Variants in LRP1B observed in about 807,000 individuals in gnomAD.
LRP1B encodes the protein LDL receptor related protein 1B.
Under a neutral mutation model 556.6 loss-of-function variants are expected in LRP1B, and 217 were observed. That is an observed-to-expected ratio of 0.39 (90% confidence interval 0.35 to 0.44). The LOEUF is 0.44. Among genes scored for constraint, LRP1B ranks in the 20% least tolerant of loss-of-function variants. LRP1B has a pLI of 1.00. For missense variants in LRP1B, 5,053 were observed against 5,620.8 expected (o/e 0.90, Z 3.23); for synonymous variants, 2,047 against 1,865.8 (o/e 1.10, Z -2.50).
chr2:141,447,783 G>A (rs2105015991), intron 3 of LRP1B, among the ~76,000 whole-genome samples: 1 of 152,268 alleles, frequency 6.6e-6, no homozygotes, highest in East Asian at 1.9e-4. Flanking sequence ...CCTTCCTCTG[G>A]AAGCTTTGTC....
chr2:140,869,415 A>G (rs1397040065), intron 25 of LRP1B, among the ~76,000 whole-genome samples: 1 of 152,086 alleles, frequency 6.6e-6, no homozygotes, highest in Non-Finnish European at 1.5e-5. Flanking sequence ...GGGGAATAAA[A>G]AACCCACAAC....
chr2:141,677,753 T>C (rs1333778080), intron 2 of LRP1B, among the ~76,000 whole-genome samples: 1 of 152,198 alleles, frequency 6.6e-6, no homozygotes, highest in African/African-American at 2.4e-5. Flanking sequence ...CCTCCCAAAG[T>C]GCTGGCATTA....
At chr2:140,759,416 A>G (rs1315181807) in intron 35 of LRP1B, among the ~76,000 whole-genome samples, 1 of 152,204 alleles carries the variant, frequency 6.6e-6, no homozygotes, top group East Asian at 1.9e-4. Flanking sequence ...CTCAATCTCT[A>G]GATCCTCTCA....
At chr2:140,287,751 G>GT (rs1430111907) in intron 84 of LRP1B, among the ~76,000 whole-genome samples, 4 of 151,346 alleles carry the variant, frequency 2.6e-5, no homozygotes, top group Non-Finnish European at 5.9e-5. Context: ...TACTTAAGGT[G>GT]TATCTGATTC....
At chr2:140,329,740 C>CAGAGAAAACACAAGAT (rs922088674) in intron 79 of LRP1B, among the ~76,000 whole-genome samples, 1 of 151,508 alleles carries the variant, frequency 6.6e-6, no homozygotes, top group African/African-American at 2.4e-5. Context: ...TCAAGGGAAC[C>CAGAGAAAACACAAGAT]AGAGAAAACA....
In LRP1B at chr2:141,904,225, T is replaced by C. The variant is rs931336986; in HGVS notation, c.83-93824A>G. 2.0e-5 allele frequency among the ~76,000 whole-genome samples: 3 copies of C among 151,784 alleles called. No individual in the cohort carries two copies. The East Asian group carries it at 5.8e-4, about 29-fold the overall frequency. Reference sequence around the variant, plus strand: ...GAGGAGAGAAGACAGGGAGAACAGTTGGGAGGCTGTTTATGTAGTCCAGGC... The same window carrying C: ...GAGGAGAGAAGACAGGGAGAACAGTCGGGAGGCTGTTTATGTAGTCCAGGC... On this transcript the variant is annotated intron_variant, in intron 1 of 90. Coordinates refer to ENST00000389484, the MANE Select transcript of LRP1B (RefSeq NM_018557.3).
intron 1 of LRP1B, among the ~76,000 whole-genome samples, chr2:141,835,041 A>T (rs1358750392): frequency 2.0e-5 from 3 of 152,028 alleles, no homozygotes; most frequent in Non-Finnish European, 2.9e-5. Context: ...GAGTGAATAA[A>T]TAGAAACAAT....
intron 1 of LRP1B, among the ~76,000 whole-genome samples, chr2:141,865,546 C>T (rs1294993118): frequency 3.0e-4 from 44 of 145,662 alleles, no homozygotes; most frequent in Non-Finnish European, 4.4e-4. Context: ...GAGCCGAGAT[C>T]CCGCCACTGC....
intron 18 of LRP1B, among the ~76,000 whole-genome samples, chr2:140,974,528 T>C (rs952069414): frequency 6.6e-6 from 1 of 152,212 alleles, no homozygotes. Context: ...TTCTAAATGT[T>C]CATATATTGA....
At position 140,444,623 on chromosome 2, in the gene LRP1B, G is replaced by C. The variant is rs2105305059; in HGVS notation, c.10114C>G (p.Pro3372Ala). Reference sequence around the variant, plus strand: ...TTCTCTCCATCACAGATGAAAGCTGGTAGAGCACAGAGTCCAGTCCCACAC... The same window carrying C: ...TTCTCTCCATCACAGATGAAAGCTGCTAGAGCACAGAGTCCAGTCCCACAC... The part of the protein sequence containing the change: ...FQCGTGLCAL[P>A]AFICDGENDC... The change falls in exon 64 of 91, where the codon CCA (proline) becomes GCA (alanine). Residue 3372 changes from proline to alanine, a missense_variant. Coordinates refer to ENST00000389484, the MANE Select transcript of LRP1B (RefSeq NM_018557.3). 1 of 1,613,972 alleles carries C rather than the reference G, an allele frequency of 6.2e-7. No homozygotes were observed. Among genetic ancestry groups the C allele is most frequent in the Non-Finnish European group, 8.5e-7 (1 of 1,179,932 alleles).
At chr2:141,049,718 T>G (rs1288473308) in intron 10 of LRP1B, among the ~76,000 whole-genome samples, 2 of 152,126 alleles carry the variant, frequency 1.3e-5, no homozygotes, top group Non-Finnish European at 2.9e-5. Context: ...CTAACTTGCA[T>G]GTGAATATAT....
chr2:140,844,989 T>C (rs923549924), intron 29 of LRP1B, among the ~76,000 whole-genome samples: 1 of 152,058 alleles, frequency 6.6e-6, no homozygotes, highest in African/African-American at 2.4e-5. Context: ...AAAGAATGGG[T>C]GAGCTAAGTA....
intron 1 of LRP1B, among the ~76,000 whole-genome samples, chr2:141,958,411 TG>T: frequency 6.6e-6 from 1 of 152,126 alleles, no homozygotes; most frequent in African/African-American, 2.4e-5. Flanking sequence ...TAAAAGACTT[TG>T]GGTTTTTTGC....
At chr2:142,129,378 C>T (rs754370830) in intron 1 of LRP1B, among the ~76,000 whole-genome samples, 2 of 152,212 alleles carry the variant, frequency 1.3e-5, no homozygotes, top group African/African-American at 2.4e-5. Context: ...GGAAATAACA[C>T]GTGTAGGTAT....
chr2:140,907,655 A>G (rs937484889), intron 22 of LRP1B, among the ~76,000 whole-genome samples: 3 of 152,150 alleles, frequency 2.0e-5, no homozygotes, highest in African/African-American at 7.2e-5. Context: ...TAACTTCGAT[A>G]TAGGCTAGCT....
In LRP1B at chr2:140,684,414, C is replaced by G. The variant is rs143210169; in HGVS notation, c.6799+15836G>C. ...AATAGGTACAACCAAGAGGCATTTT[C>G]ACAGACACTTGCTGTTCCAGGCCTA... On this transcript the variant is annotated intron_variant, in intron 41 of 90. Transcript: ENST00000389484. Among the ~76,000 whole-genome samples, 1,501 of 152,310 alleles carry G rather than the reference C, an allele frequency of 9.9e-3. 8 individuals are homozygous for G. The highest frequency in any genetic ancestry group is 0.031 in the Middle Eastern group (9 of 294).
At chr2:141,934,306 G>A (rs1368324066) in intron 1 of LRP1B, among the ~76,000 whole-genome samples, 1 of 151,832 alleles carries the variant, frequency 6.6e-6, no homozygotes, top group African/African-American at 2.4e-5. Flanking sequence ...AAATCTAATT[G>A]AATGACAGAA....
At chr2:141,020,551 A>G (rs1465257729) in intron 11 of LRP1B, among the ~76,000 whole-genome samples, 1 of 152,060 alleles carries the variant, frequency 6.6e-6, no homozygotes, top group Non-Finnish European at 1.5e-5. Flanking sequence ...AGTAATCGAA[A>G]TAATATGAAT....
At chr2:141,662,718 C>A (rs140878120) in intron 2 of LRP1B, among the ~76,000 whole-genome samples, 6 of 151,910 alleles carry the variant, frequency 3.9e-5, no homozygotes, top group Non-Finnish European at 7.4e-5. Context: ...TAGACTCCCA[C>A]ACAATAATAG....
Sources: gnomAD v4.1 joint callset for allele counts (sites outside exome capture counted in the v4.1 genomes callset) on GRCh38, gnomAD v4.1.1 for gene constraint, MANE v1.5 for transcripts, NCBI Gene and HGNC (gene_info 2026-07-23, HGNC 2026-07-21) for gene names.